Variants in LTF observed in about 807,000 individuals in gnomAD.
The protein encoded by LTF is lactotransferrin.
In LTF, 91 loss-of-function variants were observed where a neutral mutation model predicts 87.2. That is an observed-to-expected ratio of 1.04 (90% CI 0.88 to 1.24). The LOEUF (loss-of-function observed/expected upper bound fraction) is 1.24, where lower values mean the gene tolerates loss of function less well. Ranked by LOEUF, LTF falls within the 50% of genes most tolerant of loss-of-function variation. The pLI is 0.00. For missense variants in LTF, 901 were observed against 904.3 expected, an observed-to-expected ratio of 1.00 and a Z score of 0.05; for synonymous variants, 378 against 356.1, an observed-to-expected ratio of 1.06 and a Z score of -0.69.
At chr3:46,482,759 GAGA>G (rs1559615048) in intron 1 of LTF, among the ~76,000 whole-genome samples, 1 of 122,696 alleles carries the variant, frequency 8.2e-6, no homozygotes, top group Non-Finnish European at 1.8e-5. Flanking sequence ...AAGAAGGAAA[GAGA>G]AAGAAAGAAA....
upstream of LTF, among the ~76,000 whole-genome samples, chr3:46,468,515 A>C (rs1703244282): frequency 6.6e-6 from 1 of 152,124 alleles, no homozygotes; most frequent in South Asian, 2.1e-4. Flanking sequence ...GGGAGCCTTT[A>C]CAGAATTGCA....
Position 46,447,337 on chromosome 3 carries a change from CCACATTTGCCTGCAGTGTA to C in LTF, c.1255_1273del (p.Tyr419ValfsTer48), listed in dbSNP as rs751541939. On this transcript the variant is annotated frameshift_variant, in exon 10 of 17. Transcript: ENST00000231751. LOFTEE classifies it high-confidence loss of function. ...GTTCTCTGCCAGGACAGGCACCAAACCACATTTGCCTGCAGTGTACACATATCCTCCATCCAAACTCATG... is the reference window on the plus strand; with the variant it reads ...GTTCTCTGCCAGGACAGGCACCAAACCACATATCCTCCATCCAAACTCATG... The C allele has an allele frequency of 6.2e-7, 1 of 1,614,214 alleles. No homozygotes were observed. The highest frequency in any genetic ancestry group is 1.1e-5 in the South Asian group (1 of 91,080).
At position 46,458,865 on chromosome 3, in the gene LTF, C is replaced by T. The variant is rs140582949; in HGVS notation, c.207+791G>A. Among the ~76,000 whole-genome samples the T allele has an allele frequency of 6.7e-3, 1,014 of 152,336 alleles. 4 individuals carry two copies. Among genetic ancestry groups the T allele is most frequent in the Middle Eastern group, 0.041 (12 of 294 alleles). On this transcript the variant is annotated intron_variant, in intron 2 of 16. Coordinates refer to ENST00000231751, the MANE Select transcript of LTF (RefSeq NM_002343.6). The stretch of plus-strand genomic sequence containing the variant: ...CTGAAATTACGGGCGTGAGCCACCG[C>T]GCCCAGCCACTGGTACTGTTTGTAT...
At chr3:46,446,240 T>C (rs1403996620) in intron 11 of LTF, among the ~76,000 whole-genome samples, 200 bp downstream of exon 11, 1 of 152,162 alleles carries the variant, frequency 6.6e-6, no homozygotes, top group African/African-American at 2.4e-5. Flanking sequence ...TGGATGTTCT[T>C]TGCCAAGTGT....
At chr3:46,439,172 C>G in intron 15 of LTF, 124 bp downstream of exon 15, 1 of 903,608 alleles carries the variant, frequency 1.1e-6, no homozygotes, top group South Asian at 1.8e-5. Flanking sequence ...CCAATACTCT[C>G]ACCATGAGCT....
At chr3:46,470,756 T>C (rs548469804) in intron 1 of LTF, among the ~76,000 whole-genome samples, 9 of 152,298 alleles carry the variant, frequency 5.9e-5, no homozygotes, top group Admixed American at 1.3e-4. Context: ...CTGGCTAAGT[T>C]TGAACCAGTT....
chr3:46,478,616 G>T (rs1339865926), intron 1 of LTF, among the ~76,000 whole-genome samples: 2 of 152,188 alleles, frequency 1.3e-5, no homozygotes, highest in East Asian at 3.9e-4. Flanking sequence ...GAGGGCCAAG[G>T]GGAGGACAGA....
intron 15 of LTF, 69 bp from the exon 16 acceptor site, chr3:46,438,198 G>T: frequency 7.6e-7 from 1 of 1,308,578 alleles, no homozygotes; most frequent in Non-Finnish European, 1.1e-6. Context: ...GAGGCAAAGG[G>T]GTATTTCTTC....
At chr3:46,482,613 A>AAAGAAAGAAAG (rs1703454011) in intron 1 of LTF, among the ~76,000 whole-genome samples, 1 of 36,402 alleles carries the variant, frequency 2.7e-5, no homozygotes, top group African/African-American at 1.0e-4. Flanking sequence ...AAGAAAGAAG[A>AAAGAAAGAAAG]AAGAAAGAAA....
rs755665969 is a variant in LTF, at chr3:46,456,301, C to T, written c.305G>A (p.Gly102Glu). The T allele has an allele frequency of 3.8e-5, 62 of 1,614,056 alleles. No homozygotes were observed. The highest frequency in any genetic ancestry group is 5.2e-5 in the Non-Finnish European group (61 of 1,179,946). The change falls in exon 3 of 17, where the codon GGG becomes GAG. Residue 102 changes from glycine to glutamate, a missense_variant. Gly to Glu is a moderately conservative substitution (Grantham distance 98). Transcript: ENST00000231751. ...KLRPVAAEVY[G>E]TERQPRTHYY... ...CAGGCAGAACTCACGTCTTTCGGTC[C>T]CGTAGACTTCCGCCGCTACAGGTCG...
rs530767773 is a variant in LTF at position 46,441,566 on chromosome 3, A to G, written c.1656-83T>C. On this transcript the variant is annotated intron_variant, in intron 13 of 16. Transcript: ENST00000231751. ...ATAAATATTTGTAATATGCATTCCA[A>G]AAACTGAAATATGGAAGTAAACATC... 3.1e-6 allele frequency: 3 copies of G among 983,552 alleles called. No homozygotes were observed. In the African/African-American group the frequency reaches 4.9e-5, roughly 16 times the overall value. 60.9% of individuals were successfully genotyped at this position (983,552 alleles called of 1,614,324 possible).
At position 46,447,389 on chromosome 3, in the gene LTF, C is replaced by G. The variant is rs776175227; in HGVS notation, c.1222G>C (p.Ala408Pro). The G allele has an allele frequency of 1.6e-5, 26 of 1,613,518 alleles. No individual in the cohort carries two copies. The South Asian group carries it at 2.9e-4, about 18-fold the overall frequency. The change falls in exon 10 of 17, where the codon GCT (alanine) becomes CCT (proline). Residue 408 changes from alanine to proline, a missense_variant. Coordinates refer to ENST00000231751, the MANE Select transcript of LTF (RefSeq NM_002343.6). ...CCTCCATCCAAACTCATGGCATCAGCTTCTCCTTTCTGCAAAGACAGAGCA... is the reference window on the plus strand; with the variant it reads ...CCTCCATCCAAACTCATGGCATCAGGTTCTCCTTTCTGCAAAGACAGAGCA... ...DCIALVLKGE[A>P]DAMSLDGGYV...
chr3:46,447,873 A>G (rs1295278102), intron 9 of LTF, among the ~76,000 whole-genome samples: 1 of 152,228 alleles, frequency 6.6e-6, no homozygotes, highest in Non-Finnish European at 1.5e-5. Flanking sequence ...TCATGGACTC[A>G]TCAGTAGTAT....
At chr3:46,484,245 G>T (rs1441462140) in intron 1 of LTF, among the ~76,000 whole-genome samples, 2 of 152,340 alleles carry the variant, frequency 1.3e-5, no homozygotes, top group Admixed American at 1.3e-4. Context: ...TTGAGCTGGG[G>T]CCTGGGCTCT....
upstream of LTF, among the ~76,000 whole-genome samples, chr3:46,465,422 G>T (rs1246837800): frequency 2.0e-5 from 3 of 152,188 alleles, no homozygotes; most frequent in Non-Finnish European, 2.9e-5. Flanking sequence ...GAAAAGAGAG[G>T]CTGCCCAGAG....
chr3:46,444,007 C>G (rs1702585430), intron 12 of LTF, among the ~76,000 whole-genome samples: 1 of 152,232 alleles, frequency 6.6e-6, no homozygotes, highest in Non-Finnish European at 1.5e-5. Context: ...ACTTATCAGA[C>G]TCCCTGGGGC....
chr3:46,449,127 T>C, intron 8 of LTF, 110 bp from the exon 9 acceptor site: 1 of 1,031,772 alleles, frequency 9.7e-7, no homozygotes, highest in East Asian at 2.6e-5. Flanking sequence ...GGAGCTACAG[T>C]ACATGTGTGG....
At chr3:46,462,426 T>C (rs1281871334) in intron 1 of LTF, among the ~76,000 whole-genome samples, 1 of 152,204 alleles carries the variant, frequency 6.6e-6, no homozygotes, top group African/African-American at 2.4e-5. Flanking sequence ...TGGCTTTAAC[T>C]AGTTATGTGG....
chr3:46,441,967 GTGTGTGTGTGTGTGTGTGTGTATGC>G (rs1702532554), intron 13 of LTF: 1 of 140,508 alleles, frequency 7.1e-6, no homozygotes, highest in Admixed American at 7.1e-5. Context: ...GTGTGTGTGT[GTGTGTGTGTGTGTGTGTGTGTATGC>G]ATGTTGTTAG....
Sources: allele counts gnomAD v4.1 joint callset (sites outside exome capture counted in the v4.1 genomes callset), GRCh38; gene constraint gnomAD v4.1.1; transcripts MANE v1.5; gene names NCBI Gene and HGNC (gene_info 2026-07-23, HGNC 2026-07-21).